The following PEA15 variants were observed in gnomAD, a reference collection of about 807,000 sequenced individuals.
The protein encoded by PEA15 is proliferation and apoptosis adaptor protein 15.
For missense variants in PEA15, 77 were observed against 161.3 expected, an observed-to-expected ratio of 0.48 and a Z score of 2.83; for synonymous variants, 60 against 61.8, an observed-to-expected ratio of 0.97 and a Z score of 0.13.
At chr1:160,211,398 C>T in intron 1 of PEA15, 145 bp from the exon 2 acceptor site, 1 of 1,335,736 alleles carries the variant, frequency 7.5e-7, no homozygotes, top group Non-Finnish European at 9.8e-7. Flanking sequence ...CCTTTTCTCC[C>T]TCCAGCCCTA....
intron 1 of PEA15, among the ~76,000 whole-genome samples, chr1:160,209,232 C>T (rs1654744019): frequency 6.6e-6 from 1 of 152,156 alleles, no homozygotes; most frequent in Admixed American, 6.5e-5. Context: ...CCAAACACAC[C>T]CACAGATACC....
chr1:160,208,359 T>G lies in PEA15; in HGVS notation c.-3+2837T>G. On this transcript the variant is annotated intron_variant, in intron 1 of 3. Coordinates refer to ENST00000360472, the MANE Select transcript of PEA15 (RefSeq NM_003768.5). The surrounding 1 kb of genome is among the most constrained non-coding windows in gnomAD (Gnocchi z 4.1). The stretch of plus-strand genomic sequence containing the variant: ...AGGGAGGCAGGAAGGAAGGAAGGTG[T>G]GAGGAAGCGGTGAGCCTAGCACAGA... The G allele has an allele frequency of 1.9e-6, 1 of 521,784 alleles. No homozygotes were observed. Among genetic ancestry groups the G allele is most frequent in the Non-Finnish European group, 3.5e-6 (1 of 289,022 alleles). 32.3% of individuals were successfully genotyped at this position (521,784 alleles called of 1,614,324 possible).
intron 1 of PEA15, among the ~76,000 whole-genome samples, chr1:160,207,554 A>G (rs183247354): frequency 1.3e-5 from 2 of 152,258 alleles, no homozygotes; most frequent in South Asian, 2.1e-4. Context: ...CCCATGCCCA[A>G]AGGTAATCCA....
At position 160,213,504 on chromosome 1, in the gene PEA15, G is replaced by A. The variant is rs748009727; in HGVS notation, c.*18G>A. 3.1e-6 allele frequency: 5 copies of A among 1,612,140 alleles called. No individual in the cohort carries two copies. The South Asian group carries it at 4.4e-5, about 14-fold the overall frequency. On this transcript the variant is annotated 3_prime_UTR_variant, in exon 4 of 4. Transcript: ENST00000360472. This position sits in a 1 kb window ranked among gnomAD's most constrained non-coding sequence, Gnocchi z 5.3. ...AGGCCTGAGCAAGGGGGAGGAAGAG[G>A]AGGAAGGTTGGACCTTCATCAGACC...
At position 160,208,729 on chromosome 1, in the gene PEA15, C is replaced by T. The variant is rs767987903; in HGVS notation, c.-2-2814C>T. The T allele has an allele frequency of 5.9e-5, 82 of 1,386,112 alleles. No individual in the cohort carries two copies. Among genetic ancestry groups the T allele is most frequent in the Non-Finnish European group, 7.5e-5 (75 of 998,068 alleles). The allele number at this position is 1,386,112 out of a possible 1,614,324, so 85.9% of individuals were successfully genotyped here. On this transcript the variant is annotated intron_variant, in intron 1 of 3. Transcript: ENST00000360472. This position sits in a 1 kb window ranked among gnomAD's most constrained non-coding sequence, Gnocchi z 4.1. ...CTAAACAACACTCCCTTTGCTTCTT[C>T]TGCCATACTAAGGCCTAGGCAAATG...
Position 160,208,888 on chromosome 1 carries a change from G to C in PEA15, c.-2-2655G>C. 1.8e-6 allele frequency: 1 copy of C among 545,468 alleles called. No individual in the cohort carries two copies. 33.8% of individuals were successfully genotyped at this position (545,468 alleles called of 1,614,324 possible). A position where few individuals can be genotyped will look rare whatever the true frequency, so the allele number is the denominator to read the frequency against. ...ATCTAGTGGTGTCATCCTAACGACTGGGGGTGGGGGGCACCCAGAACTGAG... is the reference window on the plus strand; with the variant it reads ...ATCTAGTGGTGTCATCCTAACGACTCGGGGTGGGGGGCACCCAGAACTGAG... On this transcript the variant is annotated intron_variant, in intron 1 of 3. Transcript: ENST00000360472. The surrounding 1 kb of genome is among the most constrained non-coding windows in gnomAD (Gnocchi z 4.1).
chr1:160,209,794 C>G (rs1006238912), intron 1 of PEA15, among the ~76,000 whole-genome samples: 3 of 152,212 alleles, frequency 2.0e-5, no homozygotes, highest in East Asian at 1.9e-4. Context: ...CCCGTACCCC[C>G]CTCCTTCTGT....
intron 1 of PEA15, among the ~76,000 whole-genome samples, chr1:160,206,691 C>T (rs775922160): frequency 2.6e-5 from 4 of 151,978 alleles, no homozygotes; most frequent in Non-Finnish European, 5.9e-5. Context: ...GTCAGGGAAC[C>T]AGGGAGAGGG....
chr1:160,208,511 A>C lies in PEA15; in HGVS notation c.-3+2989A>C. On this transcript the variant is annotated intron_variant, in intron 1 of 3. Coordinates refer to ENST00000360472, the MANE Select transcript of PEA15 (RefSeq NM_003768.5). This position sits in a 1 kb window ranked among gnomAD's most constrained non-coding sequence, Gnocchi z 4.1. The stretch of plus-strand genomic sequence containing the variant: ...TGGTGATCCCTGAGCAGCTCTCTGC[A>C]CTGCTCCAGAAATCAGGAGGATTTT... 1 of 1,141,572 alleles carries C rather than the reference A, an allele frequency of 8.8e-7. No individual in the cohort carries two copies. The highest frequency in any genetic ancestry group is 1.3e-5 in the South Asian group (1 of 74,904). 70.7% of individuals were successfully genotyped at this position (1,141,572 alleles called of 1,614,324 possible).
At position 160,206,129 on chromosome 1, in the gene PEA15, A is replaced by C. The variant is rs77192586; in HGVS notation, c.-3+607A>C. 3.0e-4 allele frequency: 46 copies of C among 152,576 alleles called. No individual in the cohort carries two copies. In the East Asian group the frequency reaches 8.9e-3, roughly 29 times the overall value. The allele number at this position is 152,576 out of a possible 1,614,324, so 9.5% of individuals were successfully genotyped here. ...CCAGCACACACAGTGACACACACCC[A>C]TGTGACTTATACACATAGTCTAGCA... On this transcript the variant is annotated intron_variant, in intron 1 of 3. Transcript: ENST00000360472.
chr1:160,208,790 TCCTTGTA>T lies in PEA15; in HGVS notation c.-2-2750_-2-2744del, dbSNP rs1381931108. On this transcript the variant is annotated intron_variant, in intron 1 of 3. Transcript: ENST00000360472. The surrounding 1 kb of genome is among the most constrained non-coding windows in gnomAD (Gnocchi z 4.1). ...AGAAGGGAGGCAACTGGGCTGCCTT[TCCTTGTA>T]CCGTCAGGGGGCCTTATTCCTATCC... 1 of 778,210 alleles carries T rather than the reference TCCTTGTA, an allele frequency of 1.3e-6. No individual in the cohort carries two copies. Among genetic ancestry groups the T allele is most frequent in the East Asian group, 2.7e-5 (1 of 37,030 alleles). The allele number at this position is 778,210 out of a possible 1,614,324, so 48.2% of individuals were successfully genotyped here.
rs921162468 is a variant in PEA15 at position 160,215,250 on chromosome 1, A to G, written c.*1764A>G. 1 of 152,130 alleles carries G rather than the reference A, an allele frequency of 6.6e-6. No individual in the cohort carries two copies. Among genetic ancestry groups the G allele is most frequent in the African/African-American group, 2.4e-5 (1 of 41,410 alleles). The allele number at this position is 152,130 out of a possible 1,614,324, so 9.4% of individuals were successfully genotyped here. ...TTCTCTGTAAGGCAAAATAATCTAA[A>G]AAGACTAACCTGCCCACCCACTCCT... On this transcript the variant is annotated 3_prime_UTR_variant, in exon 4 of 4. Transcript: ENST00000360472.
intron 1 of PEA15, chr1:160,211,328 C>G: frequency 8.0e-7 from 1 of 1,257,442 alleles, no homozygotes. Context: ...TGACTTGTCA[C>G]TCTAGGCTCC....
At position 160,213,074 on chromosome 1, in the gene PEA15, A is replaced by G; in HGVS notation, c.173-36A>G. 2 of 1,612,170 alleles carry G rather than the reference A, an allele frequency of 1.2e-6. No homozygotes were observed. Among genetic ancestry groups the G allele is most frequent in the Non-Finnish European group, 1.7e-6 (2 of 1,178,670 alleles). Reference sequence around the variant, plus strand: ...TGGAGTAGGGGAAGCTGACCTCTACAGCCTAGCTCTGACCCTATCTCCTGC... The same window carrying G: ...TGGAGTAGGGGAAGCTGACCTCTACGGCCTAGCTCTGACCCTATCTCCTGC... On this transcript the variant is annotated intron_variant, in intron 2 of 3. Transcript: ENST00000360472. The surrounding 1 kb of genome is among the most constrained non-coding windows in gnomAD (Gnocchi z 5.3).
Position 160,213,517 on chromosome 1 carries a change from C to T in PEA15, c.*31C>T, listed in dbSNP as rs769825245. On this transcript the variant is annotated 3_prime_UTR_variant, in exon 4 of 4. Transcript: ENST00000360472. The surrounding 1 kb of genome is among the most constrained non-coding windows in gnomAD (Gnocchi z 5.3). The stretch of plus-strand genomic sequence containing the variant: ...GGGGAGGAAGAGGAGGAAGGTTGGA[C>T]CTTCATCAGACCACTCCCTTCCCCC... 1 of 1,596,964 alleles carries T rather than the reference C, an allele frequency of 6.3e-7. No homozygotes were observed. The highest frequency in any genetic ancestry group is 1.1e-5 in the South Asian group (1 of 90,740).
intron 2 of PEA15, among the ~76,000 whole-genome samples, chr1:160,212,845 G>A (rs1472628923): frequency 6.6e-6 from 1 of 152,128 alleles, no homozygotes; most frequent in Non-Finnish European, 1.5e-5. Context: ...ATGGGAGCTA[G>A]TATCTAAGCT....
At chr1:160,209,442 A>C (rs1360778060) in intron 1 of PEA15, among the ~76,000 whole-genome samples, 3 of 151,832 alleles carry the variant, frequency 2.0e-5, no homozygotes, top group Admixed American at 1.3e-4. Flanking sequence ...TACACACATT[A>C]ATCTCTTCCC....
rs1571069242 is a variant in PEA15, at chr1:160,212,981, C to T, written c.173-129C>T. ...TTCTCCTGGATTAGTAGCCCCTCTT[C>T]CTCCAGTGTTGTACCCTCCCATAAC... On this transcript the variant is annotated intron_variant, in intron 2 of 3. Transcript: ENST00000360472. The T allele has an allele frequency of 6.0e-6, 5 of 828,616 alleles. No homozygotes were observed. The East Asian group carries it at 1.2e-4, about 20-fold the overall frequency. 51.3% of individuals were successfully genotyped at this position (828,616 alleles called of 1,614,324 possible).
chr1:160,213,280 C>CT lies in PEA15; in HGVS notation c.328+18dup. On this transcript the variant is annotated intron_variant, in intron 3 of 3. Coordinates refer to ENST00000360472, the MANE Select transcript of PEA15 (RefSeq NM_003768.5). This position sits in a 1 kb window ranked among gnomAD's most constrained non-coding sequence, Gnocchi z 5.3. ...GAAGTACAAAGGTAAGCGGCCACTC[C>CT]TTTAACTAGCTGCACCTCTGCCTCG... The CT allele has an allele frequency of 6.2e-7, 1 of 1,614,194 alleles. No homozygotes were observed. The highest frequency in any genetic ancestry group is 1.1e-5 in the South Asian group (1 of 91,066).
Sources: gnomAD v4.1 joint callset for allele counts (sites outside exome capture counted in the v4.1 genomes callset) on GRCh38, gnomAD v4.1.1 for gene constraint, Gnocchi (gnomAD v3.1) non-coding constraint, MANE v1.5 for transcripts, NCBI Gene and HGNC (gene_info 2026-07-23, HGNC 2026-07-21) for gene names.